UNC93A: variants seen among roughly 807,000 people sequenced by gnomAD.
UNC93A encodes the protein N-acetylglucosamine transporter UNC93A.
A neutral mutation model predicts 47.5 loss-of-function variants in UNC93A; 43 were observed. The ratio of observed to expected loss-of-function variants is 0.91; its 90% confidence interval spans 0.71 to 1.17. The LOEUF (loss-of-function observed/expected upper bound fraction) is 1.17, where lower values mean the gene tolerates loss of function less well. Ranked by LOEUF, UNC93A falls within the 50% of genes most tolerant of loss-of-function variation. The pLI, the probability that UNC93A is intolerant of heterozygous loss-of-function variation, is 0.00. For synonymous variants in UNC93A, 280 were observed against 258.0 expected (o/e 1.09, Z -0.82); for missense variants, 605 against 577.6 (o/e 1.05, Z -0.49).
chr6:167,301,806 C>A (rs773202920), intron 4 of UNC93A, among the ~76,000 whole-genome samples: 1 of 152,138 alleles, frequency 6.6e-6, no homozygotes, highest in African/African-American at 2.4e-5. Context: ...AAAAATGTGC[C>A]TTTTCCACAT....
At chr6:167,311,161 T>A (rs1778544539) in intron 7 of UNC93A, among the ~76,000 whole-genome samples, 1 of 152,256 alleles carries the variant, frequency 6.6e-6, no homozygotes, top group African/African-American at 2.4e-5. Flanking sequence ...TCCCCAAATG[T>A]ATGCTTTCCT....
rs148410155 is a variant in UNC93A, at chr6:167,272,427, G to A, written c.-52+969G>A. ...TAGGCCTAGCAAGGGGCCTGTTGAC[G>A]AAGAGCCAAACTCTGTAAAATATTT... On this transcript the variant is annotated intron_variant, in intron 1 of 3. Transcript: ENST00000503433. Among the ~76,000 whole-genome samples the A allele has an allele frequency of 9.7e-4, 148 of 152,322 alleles. 1 individual carries two copies. The highest frequency in any genetic ancestry group is 3.4e-3 in the African/African-American group (143 of 41,574).
At chr6:167,299,131 TAC>T (rs60853250) in intron 4 of UNC93A, among the ~76,000 whole-genome samples, 10,318 of 136,348 alleles carry the variant, frequency 0.076, 542 homozygotes, top group African/African-American at 0.11. Flanking sequence ...AAAAAAAAAA[TAC>T]ACACACACAC....
intron 3 of UNC93A, among the ~76,000 whole-genome samples, chr6:167,297,741 A>G (rs1046597182): frequency 2.6e-5 from 4 of 152,160 alleles, no homozygotes; most frequent in African/African-American, 4.8e-5. Context: ...TCCACCTCCC[A>G]AAGTGTCTTA....
chr6:167,293,179 G>C (rs547563027), intron 1 of UNC93A, among the ~76,000 whole-genome samples: 6 of 152,312 alleles, frequency 3.9e-5, no homozygotes, highest in Admixed American at 1.3e-4. Context: ...ATCTGGATGA[G>C]CTCCGCAGCT....
chr6:167,289,080 A>G (rs428662), upstream of UNC93A, among the ~76,000 whole-genome samples: 14 of 152,410 alleles, frequency 9.2e-5, no homozygotes, highest in Middle Eastern at 3.4e-3. Context: ...GCCCTGGGCC[A>G]GGCCATGGCT....
rs2115135939 is a variant in UNC93A at position 167,298,028 on chromosome 6, C to G, written c.583C>G (p.Pro195Ala). 6.2e-7 allele frequency: 1 copy of G among 1,614,024 alleles called. No individual in the cohort carries two copies. Among genetic ancestry groups the G allele is most frequent in the Non-Finnish European group, 8.5e-7 (1 of 1,179,994 alleles). The change falls in exon 4 of 8, where the codon CCC becomes GCC. Residue 195 changes from proline (P) to alanine (A), a missense_variant. Pro to Ala is a conservative substitution (Grantham distance 27, BLOSUM62 -1). Transcript: ENST00000230256. ...CACAACCACCAACAGCACCCAGAGGCCCTCCCAGCAGCTGGTCTACACCCT... is the reference window on the plus strand; with the variant it reads ...CACAACCACCAACAGCACCCAGAGGGCCTCCCAGCAGCTGGTCTACACCCT... ...ATTTTNSTQR[P>A]SQQLVYTLLG...
chr6:167,287,024 T>C (rs1209928034), upstream of UNC93A, among the ~76,000 whole-genome samples: 1 of 151,262 alleles, frequency 6.6e-6, no homozygotes, highest in African/African-American at 2.4e-5. Flanking sequence ...AATCAGCACT[T>C]TCTGCCCCTC....
At chr6:167,298,709 G>T (rs777056534) in intron 4 of UNC93A, among the ~76,000 whole-genome samples, 5 of 152,194 alleles carry the variant, frequency 3.3e-5, no homozygotes, top group Middle Eastern at 3.4e-3. Context: ...AATAGAGAAT[G>T]TTATGTAATA....
intron 1 of UNC93A, among the ~76,000 whole-genome samples, chr6:167,279,411 G>T (rs1783596114): frequency 6.6e-6 from 1 of 152,134 alleles, no homozygotes. Context: ...CCTTTGAACA[G>T]GTTCTAACAT....
upstream of UNC93A, among the ~76,000 whole-genome samples, chr6:167,289,048 G>A (rs71553156): frequency 3.9e-5 from 6 of 152,034 alleles, no homozygotes; most frequent in Admixed American, 6.5e-5. Flanking sequence ...ACACGTACCC[G>A]TCTTTGGCCT....
upstream of UNC93A, among the ~76,000 whole-genome samples, chr6:167,269,910 C>T (rs956227308): frequency 6.6e-6 from 1 of 152,088 alleles, no homozygotes; most frequent in African/African-American, 2.4e-5. Flanking sequence ...CCACTGGGCC[C>T]GGCCAATAAT....
intron 7 of UNC93A, among the ~76,000 whole-genome samples, chr6:167,314,112 T>G (rs1778626236): frequency 1.3e-5 from 2 of 152,168 alleles, no homozygotes; most frequent in South Asian, 4.1e-4. Context: ...GTGAGTTGTT[T>G]CGTATAAAAC....
upstream of UNC93A, among the ~76,000 whole-genome samples, chr6:167,270,586 G>A (rs1052815819): frequency 1.3e-5 from 2 of 152,154 alleles, no homozygotes; most frequent in Non-Finnish European, 2.9e-5. Flanking sequence ...GTATGTTGAA[G>A]CCCTAACCTG....
At chr6:167,276,438 T>C (rs1028146355) in intron 1 of UNC93A, among the ~76,000 whole-genome samples, 19 of 152,224 alleles carry the variant, frequency 1.2e-4, no homozygotes, top group African/African-American at 3.9e-4. Flanking sequence ...CTATTTTTTA[T>C]AGTAGCTGTA....
chr6:167,292,956 G>A (rs937944439), intron 1 of UNC93A, among the ~76,000 whole-genome samples: 1 of 152,142 alleles, frequency 6.6e-6, no homozygotes, highest in Non-Finnish European at 1.5e-5. Context: ...ACCAGTTCTG[G>A]TGGATCCGCT....
intron 1 of UNC93A, among the ~76,000 whole-genome samples, chr6:167,277,685 GTCTC>G (rs943123425): frequency 2.6e-4 from 36 of 138,018 alleles, no homozygotes; most frequent in African/African-American, 1.1e-3. Flanking sequence ...TTCTCTTTCT[GTCTC>G]TCTCTGTCTC....
intron 7 of UNC93A, among the ~76,000 whole-genome samples, chr6:167,310,842 T>C (rs532110963): frequency 6.6e-6 from 1 of 152,286 alleles, no homozygotes; most frequent in East Asian, 1.9e-4. Context: ...GATCACGTCA[T>C]TGCACTGCAG....
chr6:167,284,901 G>A (rs1376626721), intron 1 of UNC93A, among the ~76,000 whole-genome samples: 1 of 151,922 alleles, frequency 6.6e-6, no homozygotes, highest in African/African-American at 2.4e-5. Context: ...GCCGGACACA[G>A]CGCACACAGC....
Sources: allele counts gnomAD v4.1 joint callset (sites outside exome capture counted in the v4.1 genomes callset), GRCh38; gene constraint gnomAD v4.1.1; transcripts MANE v1.5; gene names NCBI Gene and HGNC (gene_info 2026-07-23, HGNC 2026-07-21).